Variants in BID observed in about 807,000 individuals in gnomAD.
The protein encoded by BID is BH3 interacting domain death agonist.
Under a neutral mutation model 17.4 loss-of-function variants are expected in BID, and 19 were observed. The observed-to-expected ratio is 1.09, with a 90% confidence interval of 0.76 to 1.60. BID has a LOEUF of 1.60. Among genes scored for constraint, BID ranks in the 40% most tolerant of loss-of-function variants. The pLI is 0.00. For synonymous variants in BID, 108 were observed against 102.8 expected (o/e 1.05, Z -0.31); for missense variants, 226 against 256.0 (o/e 0.88, Z 0.80).
At chr22:17,755,007 C>A (rs1470649461) in intron 1 of BID, among the ~76,000 whole-genome samples, 2 of 152,060 alleles carry the variant, frequency 1.3e-5, no homozygotes, top group Non-Finnish European at 1.5e-5. Context: ...TCATGATCGC[C>A]CACCTTGGCC....
In BID at chr22:17,774,430, C is replaced by A. The variant is rs1300721573; in HGVS notation, c.-108G>T. The A allele has an allele frequency of 3.5e-6, 1 of 289,538 alleles. No individual in the cohort carries two copies. Among genetic ancestry groups the A allele is most frequent in the Non-Finnish European group, 7.4e-6 (1 of 135,620 alleles). The allele number at this position is 289,538 out of a possible 1,614,324, so 17.9% of individuals were successfully genotyped here. The stretch of plus-strand genomic sequence containing the variant: ...GCGCGTCCGGGCCGAGGCAGCGTCT[C>A]CCAGGCGCGCGGACACGGTCGACTA... On this transcript the variant is annotated 5_prime_UTR_variant, in exon 1 of 6. Transcript: ENST00000622694.
intron 1 of BID, among the ~76,000 whole-genome samples, chr22:17,754,488 A>G (rs1207312053): frequency 6.6e-6 from 1 of 152,258 alleles, no homozygotes; most frequent in African/African-American, 2.4e-5. Context: ...GTATGCTCAG[A>G]TGCCAGCTTT....
intron 1 of BID, chr22:17,764,166 T>C (rs1276082421): frequency 6.5e-6 from 1 of 154,646 alleles, no homozygotes; most frequent in Non-Finnish European, 1.5e-5. Flanking sequence ...TCCTGGCTAC[T>C]TGGCAGGGCG....
chr22:17,771,313 A>G (rs2061718412), intron 1 of BID, among the ~76,000 whole-genome samples: 1 of 152,114 alleles, frequency 6.6e-6, no homozygotes, highest in African/African-American at 2.4e-5. Context: ...CTTAGTCAGG[A>G]CGGTCTTGAT....
chr22:17,756,432 CTTCTTTCTTTCTTTCTTTCT>C (rs1555906073), intron 1 of BID, among the ~76,000 whole-genome samples: 1 of 69,232 alleles, frequency 1.4e-5, no homozygotes, highest in Non-Finnish European at 3.1e-5. Flanking sequence ...TTCTTTCTTT[CTTCTTTCTTTCTTTCTTTCT>C]TTCTTTCTTT....
At position 17,743,877 on chromosome 22, in the gene BID, T is replaced by C. The variant is rs2061477837; in HGVS notation, c.149A>G (p.Gln50Arg). ...LGHELPVLAP[Q>R]WEGYDELQTD... ...CTGCAGCTCATCGTAGCCCTCCCAC[T>C]GGGGAGCCAGCACTGGCAGCTCGTG... The change falls in exon 3 of 6, where the codon CAG becomes CGG. Residue 50 changes from glutamine (Q) to arginine (R), a missense_variant. Coordinates refer to ENST00000622694, the MANE Select transcript of BID (RefSeq NM_001196.4). The C allele has an allele frequency of 6.2e-7, 1 of 1,613,434 alleles. No individual in the cohort carries two copies. The highest frequency in any genetic ancestry group is 8.5e-7 in the Non-Finnish European group (1 of 1,179,954).
At chr22:17,746,677 T>G (rs1487642479) in intron 2 of BID, among the ~76,000 whole-genome samples, 4 of 152,218 alleles carry the variant, frequency 2.6e-5, no homozygotes, top group Non-Finnish European at 4.4e-5. Context: ...CATATTGGAT[T>G]AGGGTGGGCC....
intron 1 of BID, among the ~76,000 whole-genome samples, chr22:17,759,033 C>A (rs958035172): frequency 2.6e-5 from 4 of 151,940 alleles, no homozygotes; most frequent in African/African-American, 9.7e-5. Context: ...GAGATCGAGA[C>A]CATCCTGGCC....
chr22:17,740,578 C>A, intron 3 of BID: 1 of 174,802 alleles, frequency 5.7e-6, no homozygotes, highest in Non-Finnish European at 1.2e-5. Context: ...TACAGGCGCC[C>A]GCCACCACAC....
At chr22:17,745,656 GA>G (rs970688195) in intron 2 of BID, among the ~76,000 whole-genome samples, 14 of 147,878 alleles carry the variant, frequency 9.5e-5, no homozygotes, top group East Asian at 4.0e-4. Flanking sequence ...TCTCAAAAAA[GA>G]AAAAAAAAAT....
chr22:17,762,782 C>T (rs562329470), intron 1 of BID, among the ~76,000 whole-genome samples: 62 of 152,098 alleles, frequency 4.1e-4, no homozygotes, highest in Non-Finnish European at 5.7e-4. Flanking sequence ...CTTAATCAAA[C>T]GCTTTTTGGT....
intron 1 of BID, among the ~76,000 whole-genome samples, chr22:17,766,399 A>T (rs956919003): frequency 6.7e-6 from 1 of 149,684 alleles, no homozygotes; most frequent in Non-Finnish European, 1.5e-5. Context: ...CTCCTGCCTC[A>T]GCCTCCCGAG....
At chr22:17,737,865 T>C in intron 5 of BID, 152 bp downstream of exon 5, 2 of 777,270 alleles carry the variant, frequency 2.6e-6, no homozygotes, top group Non-Finnish European at 4.3e-6. Flanking sequence ...CACACAGCTT[T>C]CTAGCTCACA....
intron 1 of BID, 190 bp downstream of exon 1, chr22:17,774,191 G>A (rs8190269): frequency 0.011 from 1,647 of 156,366 alleles, 38 homozygotes; most frequent in African/African-American, 0.037. Flanking sequence ...AGGGGAGGCG[G>A]GAGAGACCCG....
At chr22:17,735,646 G>C (rs999310476) in intron 5 of BID, 55 bp from the exon 6 acceptor site, 3 of 1,608,032 alleles carry the variant, frequency 1.9e-6, no homozygotes, top group East Asian at 2.2e-5. Context: ...CACAAACCAG[G>C]CTCCAGAGCT....
chr22:17,750,746 T>G (rs2061532354), intron 1 of BID, among the ~76,000 whole-genome samples: 1 of 151,842 alleles, frequency 6.6e-6, no homozygotes, highest in South Asian at 2.1e-4. Context: ...GAGAATGGCA[T>G]GAACTTGGGA....
chr22:17,743,978 G>A lies in BID; in HGVS notation c.48C>T (p.Ile16=). 6.2e-7 allele frequency: 1 copy of A among 1,614,044 alleles called. No individual in the cohort carries two copies. The highest frequency in any genetic ancestry group is 8.5e-7 in the Non-Finnish European group (1 of 1,180,020). ...GGAAGCCAAACACCAGTAGGTTTGT[G>A]ATGCACTCATCCCTGAGGCTGGAAC... is the stretch of plus-strand genomic sequence containing the variant. ...NNGSSLRDEC[I]TNLLVFGFLQ... Residue 16 remains isoleucine, a synonymous_variant, in exon 3 of 6, where the codon ATC becomes ATT. Coordinates refer to ENST00000622694, the MANE Select transcript of BID (RefSeq NM_001196.4).
rs1364005071 is a variant in BID at position 17,759,880 on chromosome 22, C to T, written c.-58-9706G>A. Among the ~76,000 whole-genome samples, 4 of 151,930 alleles carry T rather than the reference C, an allele frequency of 2.6e-5. 1 individual carries two copies. Among genetic ancestry groups the T allele is most frequent in the South Asian group, 4.1e-4 (2 of 4,828 alleles). ...TGTTTCGGCCGGGCGAGGTGGCTCA[C>T]GCCTGTAATCCCAGCACTTTGGGAG... is the stretch of plus-strand genomic sequence containing the variant. On this transcript the variant is annotated intron_variant, in intron 1 of 5. Coordinates refer to ENST00000622694, the MANE Select transcript of BID (RefSeq NM_001196.4).
At chr22:17,739,594 A>AT (rs1454757949) in intron 3 of BID, 106 bp from the exon 4 acceptor site, 1 of 1,436,568 alleles carries the variant, frequency 7.0e-7, no homozygotes, top group East Asian at 2.4e-5. Context: ...GCGATGGGAC[A>AT]AGGCCAGCCC....
Sources: gnomAD v4.1 joint callset for allele counts (sites outside exome capture counted in the v4.1 genomes callset) on GRCh38, gnomAD v4.1.1 for gene constraint, MANE v1.5 for transcripts, NCBI Gene and HGNC (gene_info 2026-07-23, HGNC 2026-07-21) for gene names.